The following ATRNL1 variants were observed in gnomAD, a reference collection of about 807,000 sequenced individuals.
ATRNL1 encodes the protein attractin like 1, also known as attractin-like protein 1.
ATRNL1 carries 95 observed loss-of-function variants against 182.7 expected under a neutral mutation model. The observed-to-expected ratio is 0.52, with a 90% CI of 0.44 to 0.62. ATRNL1 has a LOEUF of 0.62. Among genes scored for constraint, ATRNL1 ranks in the 20% least tolerant of loss-of-function variants. The probability of loss-of-function intolerance (pLI) is 0.00; values close to 1 mark genes in which losing one functional copy is unlikely to be tolerated. For synonymous variants in ATRNL1, 576 were observed against 568.3 expected (o/e 1.01, Z -0.19); for missense variants, 1,471 against 1,679.5 (o/e 0.88, Z 2.17).
Position 115,426,285 on chromosome 10 carries a change from T to G in ATRNL1, c.3305T>G (p.Leu1102Arg), listed in dbSNP as rs1423717541. ...GAAAATCGCTATGTTGGTAATCCAC[T>G]TAGAGGAACATGTTATTGTAAGTAT... Reference protein sequence around the residue: ...DSENRYVGNPLRGTCYYSLLI... With the variant: ...DSENRYVGNPRRGTCYYSLLI... The change falls in exon 21 of 29, where the codon CTT (leucine) becomes CGT (arginine). Residue 1102 changes from leucine to arginine, a missense_variant. By Grantham distance (102) the Leu-to-Arg change is moderately radical. Coordinates refer to ENST00000355044, the MANE Select transcript of ATRNL1 (RefSeq NM_207303.4). 1 of 1,611,158 alleles carries G rather than the reference T, an allele frequency of 6.2e-7. No individual in the cohort carries two copies. Among genetic ancestry groups the G allele is most frequent in the African/African-American group, 1.3e-5 (1 of 74,884 alleles).
At chr10:115,341,352 C>G (rs1855744847) in intron 19 of ATRNL1, among the ~76,000 whole-genome samples, 1 of 151,928 alleles carries the variant, frequency 6.6e-6, no homozygotes. Flanking sequence ...TAGTTTTATT[C>G]CATTGTGGTC....
rs148077804 is a variant in ATRNL1 at position 115,122,355 on chromosome 10, T to A, written c.491+543T>A. ...TATTAATTTTAAAATTATAGCATTG[T>A]ATCAATTTAAAAATCTTTTCTTGTG... On this transcript the variant is annotated intron_variant, in intron 3 of 28. Coordinates refer to ENST00000355044, the MANE Select transcript of ATRNL1 (RefSeq NM_207303.4). Among the ~76,000 whole-genome samples the A allele has an allele frequency of 7.9e-3, 1,207 of 151,990 alleles. 14 individuals carry two copies. The highest frequency in any genetic ancestry group is 0.027 in the African/African-American group (1,117 of 41,560).
intron 8 of ATRNL1, among the ~76,000 whole-genome samples, chr10:115,207,982 G>T (rs1480934285): frequency 2.0e-5 from 3 of 151,848 alleles, no homozygotes; most frequent in African/African-American, 7.3e-5. Flanking sequence ...TATCACTCTG[G>T]ATTAGGCTGC....
intron 25 of ATRNL1, among the ~76,000 whole-genome samples, chr10:115,542,005 G>A (rs1423502818): frequency 6.6e-6 from 1 of 152,154 alleles, no homozygotes; most frequent in Non-Finnish European, 1.5e-5. Context: ...TTTAAAAGAT[G>A]TGCTTCAAAA....
intron 15 of ATRNL1, among the ~76,000 whole-genome samples, chr10:115,297,892 T>C (rs1554923242): frequency 6.6e-6 from 1 of 152,192 alleles, no homozygotes; most frequent in East Asian, 1.9e-4. Flanking sequence ...GTTATGTTAG[T>C]GTTCACTTTT....
intron 5 of ATRNL1, among the ~76,000 whole-genome samples, chr10:115,142,570 T>C (rs10400160): frequency 0.012 from 1,784 of 152,320 alleles, 32 homozygotes; most frequent in African/African-American, 0.04. Context: ...TTTTGACTCT[T>C]ACCCTAAGTG....
At chr10:115,547,701 C>T (rs1852748192) in intron 25 of ATRNL1, among the ~76,000 whole-genome samples, 1 of 151,888 alleles carries the variant, frequency 6.6e-6, no homozygotes, top group South Asian at 2.1e-4. Context: ...CAAAACAAAA[C>T]AAAATGAAAG....
intron 28 of ATRNL1, among the ~76,000 whole-genome samples, chr10:115,900,800 A>T (rs1555113415): frequency 6.6e-6 from 1 of 152,222 alleles, no homozygotes; most frequent in Admixed American, 6.5e-5. Flanking sequence ...AATTCAAAAT[A>T]TATGAAGAGC....
At chr10:115,854,578 G>A (rs2134374267) in intron 28 of ATRNL1, among the ~76,000 whole-genome samples, 1 of 152,294 alleles carries the variant, frequency 6.6e-6, no homozygotes, top group East Asian at 1.9e-4. Context: ...CTCACCTGCT[G>A]AGCAGCAGCA....
intron 27 of ATRNL1, among the ~76,000 whole-genome samples, chr10:115,744,389 G>A (rs1026995382): frequency 2.0e-5 from 3 of 151,968 alleles, no homozygotes; most frequent in African/African-American, 7.2e-5. Flanking sequence ...CTGCTGTTAA[G>A]GATGACATTA....
At chr10:115,919,139 C>CA (rs1189585917) in intron 28 of ATRNL1, among the ~76,000 whole-genome samples, 10 of 152,134 alleles carry the variant, frequency 6.6e-5, no homozygotes, top group Admixed American at 6.5e-4. Context: ...GTTTGTGCAT[C>CA]AGATCTTCAA....
At chr10:115,793,813 G>C (rs1261414502) in intron 27 of ATRNL1, among the ~76,000 whole-genome samples, 1 of 151,976 alleles carries the variant, frequency 6.6e-6, no homozygotes, top group East Asian at 1.9e-4. Context: ...AATGAGTGTG[G>C]GATTTTTCTT....
intron 26 of ATRNL1, among the ~76,000 whole-genome samples, chr10:115,669,991 G>A (rs1343248975): frequency 3.3e-5 from 5 of 152,016 alleles, no homozygotes; most frequent in African/African-American, 1.2e-4. Context: ...ACTCCTGGAA[G>A]TTTTCACATT....
intron 17 of ATRNL1, among the ~76,000 whole-genome samples, chr10:115,314,081 G>A (rs982715154): frequency 1.3e-5 from 2 of 152,058 alleles, no homozygotes; most frequent in Admixed American, 6.5e-5. Flanking sequence ...GCTGTGTACT[G>A]TTGAAAAAAT....
At chr10:115,102,717 G>C (rs1242379782) in intron 1 of ATRNL1, among the ~76,000 whole-genome samples, 6 of 152,164 alleles carry the variant, frequency 3.9e-5, no homozygotes, top group African/African-American at 1.2e-4. Flanking sequence ...AAAATGCTAA[G>C]ATTAGTATAT....
intron 28 of ATRNL1, among the ~76,000 whole-genome samples, chr10:115,896,862 C>G (rs1485117021): frequency 6.6e-6 from 1 of 151,960 alleles, no homozygotes; most frequent in Non-Finnish European, 1.5e-5. Context: ...AAAAGGCATA[C>G]ATAAATACAT....
Position 115,791,634 on chromosome 10 carries a change from T to G in ATRNL1, c.3904-56243T>G, listed in dbSNP as rs150666605. 7.2e-3 allele frequency among the ~76,000 whole-genome samples: 1,096 copies of G among 152,276 alleles called. 2 individuals are homozygous for G. The highest frequency in any genetic ancestry group is 0.041 in the Middle Eastern group (12 of 292). On this transcript the variant is annotated intron_variant, in intron 27 of 28. Transcript: ENST00000355044. ...GTATATAGATGAGTTCCTAGACCTA[T>G]TCCAGAATACTCCAAAACTTATTCT... is the stretch of plus-strand genomic sequence containing the variant.
intron 26 of ATRNL1, among the ~76,000 whole-genome samples, chr10:115,589,934 G>T (rs1340971540): frequency 6.6e-6 from 1 of 152,098 alleles, no homozygotes; most frequent in Non-Finnish European, 1.5e-5. Flanking sequence ...TATTTTCTGT[G>T]TAAAACCGAA....
At chr10:115,791,110 G>A (rs562243287) in intron 27 of ATRNL1, among the ~76,000 whole-genome samples, 12 of 152,060 alleles carry the variant, frequency 7.9e-5, no homozygotes, top group African/African-American at 2.6e-4. Flanking sequence ...CTTTTTTGCT[G>A]AAAATCTTTT....
Sources: allele counts gnomAD v4.1 joint callset (sites outside exome capture counted in the v4.1 genomes callset), GRCh38; gene constraint gnomAD v4.1.1; transcripts MANE v1.5; gene names NCBI Gene and HGNC (gene_info 2026-07-23, HGNC 2026-07-21).